CLSTN2: variants seen among roughly 807,000 people sequenced by gnomAD.
CLSTN2 encodes the protein calsyntenin-2.
In CLSTN2, 48 loss-of-function variants were observed where a neutral mutation model predicts 101.2. The ratio of observed to expected loss-of-function variants is 0.47; its 90% confidence interval spans 0.38 to 0.60. The LOEUF is 0.60. CLSTN2 is among the 20% of genes least tolerant of loss of function. The pLI is 0.00. For missense variants in CLSTN2, 1,160 were observed against 1,238.2 expected (o/e 0.94, Z 0.95); for synonymous variants, 481 against 463.6 (o/e 1.04, Z -0.48).
chr3:140,552,513 C>T (rs1170981220), intron 10 of CLSTN2, among the ~76,000 whole-genome samples: 1 of 152,112 alleles, frequency 6.6e-6, no homozygotes, highest in Admixed American at 6.5e-5. Context: ...TGTGACAGAC[C>T]TCCCAATGCT....
intron 8 of CLSTN2, among the ~76,000 whole-genome samples, chr3:140,523,340 T>C (rs921323436): frequency 6.6e-6 from 1 of 152,202 alleles, no homozygotes; most frequent in African/African-American, 2.4e-5. Context: ...TTGCTACTCA[T>C]GGACTTTAAA....
At chr3:140,039,025 G>A (rs2007712833) in intron 1 of CLSTN2, among the ~76,000 whole-genome samples, 1 of 152,152 alleles carries the variant, frequency 6.6e-6, no homozygotes, top group East Asian at 1.9e-4. Context: ...ATCTGGTAAG[G>A]TTAGTTTCTA....
chr3:140,383,929 T>G (rs9854882), intron 2 of CLSTN2, among the ~76,000 whole-genome samples: 12,772 of 152,222 alleles, frequency 0.084, 890 homozygotes, highest in African/African-American at 0.19. Flanking sequence ...AATACCAATA[T>G]CCACGTACTG....
intron 2 of CLSTN2, among the ~76,000 whole-genome samples, chr3:140,399,535 A>T (rs2088218473): frequency 6.6e-6 from 1 of 152,204 alleles, no homozygotes; most frequent in Admixed American, 6.5e-5. Flanking sequence ...CTTTTCTATT[A>T]TGCAATGTCC....
At chr3:140,079,276 G>T (rs1576419430) in intron 1 of CLSTN2, among the ~76,000 whole-genome samples, 1 of 152,298 alleles carries the variant, frequency 6.6e-6, no homozygotes, top group East Asian at 1.9e-4. Flanking sequence ...GGCCAAGAAA[G>T]AGTTGTATGG....
chr3:140,458,052 TCTC>T (rs1211790729), intron 6 of CLSTN2, among the ~76,000 whole-genome samples: 2 of 152,138 alleles, frequency 1.3e-5, no homozygotes, highest in African/African-American at 4.8e-5. Flanking sequence ...GACCTGATGA[TCTC>T]CTCCACAGAT....
At chr3:140,403,913 C>G (rs1245038158) in intron 3 of CLSTN2, 89 bp downstream of exon 3, 10 of 1,106,346 alleles carry the variant, frequency 9.0e-6, no homozygotes, top group Non-Finnish European at 1.3e-5. Context: ...TATGTTTACC[C>G]TCTTGTCACA....
rs541510853 is a variant in CLSTN2 at position 140,421,135 on chromosome 3, G to C, written c.648G>C (p.Arg216Ser). The C allele has an allele frequency of 1.9e-6, 3 of 1,613,716 alleles. No homozygotes were observed. Among genetic ancestry groups the C allele is most frequent in the Non-Finnish European group, 2.5e-6 (3 of 1,179,954 alleles). The stretch of plus-strand genomic sequence containing the variant: ...ATCTCTGTTCCTCAGGCAACATCAG[G>C]AACACTGAGAAGCTGAGCTATGACA... ...PFAIDRNGNIRNTEKLSYDKQ... is the reference protein window; with the variant it reads ...PFAIDRNGNISNTEKLSYDKQ... The change falls in exon 5 of 17, where the codon AGG becomes AGC. Residue 216 changes from arginine to serine, a missense_variant. Arg to Ser is a moderately radical substitution (Grantham distance 110). Transcript: ENST00000458420.
rs77209842 is a variant in CLSTN2 at position 140,162,906 on chromosome 3, A to G, written c.110-13045A>G. Among the ~76,000 whole-genome samples the G allele has an allele frequency of 7.3e-3, 1,114 of 152,334 alleles. 13 individuals are homozygous for G. Among genetic ancestry groups the G allele is most frequent in the African/African-American group, 0.026 (1,060 of 41,566 alleles). On this transcript the variant is annotated intron_variant, in intron 1 of 16. Transcript: ENST00000458420. ...GTATCATGCATTTGCTACCTTCTAG[A>G]ACAAAGTTGGTAGCATAAGCCACAA...
At chr3:140,316,034 G>A (rs2087228309) in intron 2 of CLSTN2, among the ~76,000 whole-genome samples, 1 of 152,190 alleles carries the variant, frequency 6.6e-6, no homozygotes. Flanking sequence ...AGGGAACTGG[G>A]AGTTTTTAAA....
chr3:140,052,271 G>T (rs1023220141), intron 1 of CLSTN2, among the ~76,000 whole-genome samples: 2 of 152,126 alleles, frequency 1.3e-5, no homozygotes, highest in African/African-American at 4.8e-5. Context: ...CGATTCTTCT[G>T]CCTCAGCCTC....
At chr3:140,103,859 A>T (rs889402858) in intron 1 of CLSTN2, among the ~76,000 whole-genome samples, 3 of 152,250 alleles carry the variant, frequency 2.0e-5, no homozygotes, top group African/African-American at 7.2e-5. Flanking sequence ...CACATAAAAA[A>T]GGGATTTGCA....
Position 140,562,825 on chromosome 3 carries a change from A to G in CLSTN2, c.2227A>G (p.Ser743Gly), listed in dbSNP as rs1430388696. ...GYSIYGVGSM[S>G]RYEQVLHHIR... The stretch of plus-strand genomic sequence containing the variant: ...TCTTGGCACAGGTGTGGGCTCCATG[A>G]GCCGCTATGAGCAGGTGCTACATCA... Residue 743 changes from serine to glycine, a missense_variant, in exon 14 of 17, where the codon AGC (serine) becomes GGC (glycine). By Grantham distance (56) the Ser-to-Gly change is moderately conservative. Coordinates refer to ENST00000458420, the MANE Select transcript of CLSTN2 (RefSeq NM_022131.3). 6.2e-7 allele frequency: 1 copy of G among 1,613,788 alleles called. No individual in the cohort carries two copies. Among genetic ancestry groups the G allele is most frequent in the Admixed American group, 1.7e-5 (1 of 60,004 alleles).
intron 2 of CLSTN2, among the ~76,000 whole-genome samples, chr3:140,298,989 G>A (rs1054205897): frequency 6.6e-6 from 1 of 152,132 alleles, no homozygotes; most frequent in African/African-American, 2.4e-5. Context: ...CCTGTGGGGA[G>A]CATGGTCCCT....
chr3:140,095,261 T>C (rs1313905982), intron 1 of CLSTN2, among the ~76,000 whole-genome samples: 2 of 151,652 alleles, frequency 1.3e-5, no homozygotes, highest in African/African-American at 2.4e-5. Flanking sequence ...ACTCATAACA[T>C]TGACTTTTGT....
chr3:140,556,742 C>T (rs1329149305), intron 11 of CLSTN2, 81 bp downstream of exon 11: 4 of 1,425,676 alleles, frequency 2.8e-6, no homozygotes, highest in Non-Finnish European at 3.9e-6. Context: ...GGAATGTTCC[C>T]TCACAAAACA....
At chr3:139,993,847 G>GAATTT (rs879903018) in intron 1 of CLSTN2, among the ~76,000 whole-genome samples, 38,388 of 152,006 alleles carry the variant, frequency 0.25, 5,046 homozygotes, top group Admixed American at 0.36. Flanking sequence ...AGAACTTAAA[G>GAATTT]AAAGTATATG....
chr3:140,480,064 T>A (rs933735617), intron 8 of CLSTN2, among the ~76,000 whole-genome samples: 11 of 152,258 alleles, frequency 7.2e-5, no homozygotes, highest in Admixed American at 3.9e-4. Flanking sequence ...AACTCGTCAT[T>A]TAGCATTAGG....
chr3:140,156,539 T>C (rs1002966607), intron 1 of CLSTN2, among the ~76,000 whole-genome samples: 1 of 152,194 alleles, frequency 6.6e-6, no homozygotes, highest in Non-Finnish European at 1.5e-5. Flanking sequence ...TCAGGGAGTG[T>C]AATGAGGCCC....
Sources: allele counts gnomAD v4.1 joint callset (sites outside exome capture counted in the v4.1 genomes callset), GRCh38; gene constraint gnomAD v4.1.1; transcripts MANE v1.5; gene names NCBI Gene and HGNC (gene_info 2026-07-23, HGNC 2026-07-21).